The following ATP8A2 variants were observed in gnomAD, a reference collection of about 807,000 sequenced individuals.
The protein encoded by ATP8A2 is phospholipid-transporting ATPase IB.
ATP8A2 carries 100 observed loss-of-function variants against 165.6 expected under a neutral mutation model. That is an observed-to-expected ratio of 0.60 (90% confidence interval 0.51 to 0.71). The LOEUF is 0.71. Ranked by LOEUF, ATP8A2 falls within the 30% of genes least tolerant of loss-of-function variation. The probability of loss-of-function intolerance (pLI) is 0.00; values close to 1 mark genes in which losing one functional copy is unlikely to be tolerated. For missense variants in ATP8A2, 1,227 were observed against 1,479.5 expected (o/e 0.83, Z 2.80); for synonymous variants, 543 against 548.8 (o/e 0.99, Z 0.15).
intron 24 of ATP8A2, among the ~76,000 whole-genome samples, chr13:25,667,178 C>A (rs1443233141): frequency 6.6e-6 from 1 of 152,138 alleles, no homozygotes; most frequent in Admixed American, 6.5e-5. Flanking sequence ...AGTCTGTTTT[C>A]TGTCTCTATG....
chr13:25,674,265 TC>T (rs111355454), intron 24 of ATP8A2, among the ~76,000 whole-genome samples: 9 of 151,308 alleles, frequency 5.9e-5, no homozygotes, highest in African/African-American at 1.7e-4. Flanking sequence ...TCCAGATGTG[TC>T]CCCCCCCGAA....
chr13:25,501,382 G>A (rs903419835), intron 2 of ATP8A2, among the ~76,000 whole-genome samples: 1 of 152,170 alleles, frequency 6.6e-6, no homozygotes, highest in Non-Finnish European at 1.5e-5. Context: ...ATTTCAGTGA[G>A]CTCTGGACAT....
rs774204824 is a variant in ATP8A2, at chr13:25,540,405, T to C, written c.651+17T>C. The C allele has an allele frequency of 3.2e-6, 5 of 1,573,754 alleles. No homozygotes were observed. In the East Asian group the frequency reaches 1.1e-4, roughly 35 times the overall value. On this transcript the variant is annotated intron_variant, in intron 8 of 36. Transcript: ENST00000381655. The stretch of plus-strand genomic sequence containing the variant: ...ATACGTCAGGTAAAGTCACCTCTGA[T>C]GACTTGTGTTGTTATGGTAGACACA...
intron 25 of ATP8A2, among the ~76,000 whole-genome samples, chr13:25,720,548 T>A (rs2043356283): frequency 6.6e-6 from 1 of 152,144 alleles, no homozygotes; most frequent in African/African-American, 2.4e-5. Context: ...GACCTTGGGA[T>A]CTCCGTGTGA....
At chr13:25,538,291 T>G (rs1052339089) in intron 7 of ATP8A2, among the ~76,000 whole-genome samples, 1 of 152,170 alleles carries the variant, frequency 6.6e-6, no homozygotes, top group Non-Finnish European at 1.5e-5. Flanking sequence ...CTCCACTTAG[T>G]CTCCTGGCTA....
chr13:25,903,989 C>T (rs749627344), intron 33 of ATP8A2, among the ~76,000 whole-genome samples: 1 of 152,118 alleles, frequency 6.6e-6, no homozygotes, highest in Non-Finnish European at 1.5e-5. Context: ...AACTGTTGTA[C>T]AAACTCTGCA....
At chr13:25,621,027 G>A (rs1406989626) in intron 24 of ATP8A2, among the ~76,000 whole-genome samples, 1 of 152,110 alleles carries the variant, frequency 6.6e-6, no homozygotes, top group Admixed American at 6.5e-5. Flanking sequence ...GGAGTGGAAG[G>A]ATTATTGATG....
At chr13:25,454,493 G>A (rs527382800) in intron 1 of ATP8A2, among the ~76,000 whole-genome samples, 1 of 152,194 alleles carries the variant, frequency 6.6e-6, no homozygotes, top group East Asian at 1.9e-4. Flanking sequence ...ATGTGGCGAC[G>A]TTGATCTGAT....
chr13:25,763,280 G>T (rs183373), intron 25 of ATP8A2, among the ~76,000 whole-genome samples: 151,300 of 152,290 alleles, frequency 0.99, 75,162 homozygotes, highest in East Asian at 1. Context: ...GACCCAACCC[G>T]TGTGAGGCTG....
chr13:25,506,619 G>C (rs1021637533), intron 2 of ATP8A2, among the ~76,000 whole-genome samples: 2 of 152,190 alleles, frequency 1.3e-5, no homozygotes, highest in Non-Finnish European at 2.9e-5. Flanking sequence ...CCCACTTCCC[G>C]GATCGAGGTG....
chr13:25,373,348 A>G (rs1392239210), intron 1 of ATP8A2, among the ~76,000 whole-genome samples: 3 of 151,542 alleles, frequency 2.0e-5, no homozygotes, highest in African/African-American at 7.2e-5. Context: ...CTTATCAGGT[A>G]ATTTAAGCCA....
At chr13:25,380,005 A>G (rs888409670) in intron 1 of ATP8A2, among the ~76,000 whole-genome samples, 10 of 152,198 alleles carry the variant, frequency 6.6e-5, no homozygotes, top group Admixed American at 4.6e-4. Flanking sequence ...GGCAACTGAG[A>G]AGGGTTCTCG....
intron 1 of ATP8A2, among the ~76,000 whole-genome samples, chr13:25,399,522 C>T (rs1316647918): frequency 8.1e-6 from 1 of 122,838 alleles, no homozygotes; most frequent in African/African-American, 3.0e-5. Context: ...CCTCAGCCTC[C>T]CAAGTAGCTG....
At chr13:25,552,904 A>C (rs779540713) in intron 11 of ATP8A2, among the ~76,000 whole-genome samples, 2 of 152,030 alleles carry the variant, frequency 1.3e-5, no homozygotes, top group Non-Finnish European at 2.9e-5. Context: ...AAAACTCTAA[A>C]TTGGAATCAG....
intron 1 of ATP8A2, among the ~76,000 whole-genome samples, chr13:25,425,203 A>G (rs1370024455): frequency 2.0e-5 from 3 of 152,126 alleles, no homozygotes; most frequent in African/African-American, 7.2e-5. Context: ...CTTTTCTTAT[A>G]CTATCATTAG....
rs1952515002 is a variant in ATP8A2 at position 25,866,609 on chromosome 13, A to T, written c.3183+4201A>T. 2.6e-5 allele frequency among the ~76,000 whole-genome samples: 4 copies of T among 152,150 alleles called. No homozygotes were observed. The South Asian group carries it at 8.3e-4, about 32-fold the overall frequency. On this transcript the variant is annotated intron_variant, in intron 33 of 36. Transcript: ENST00000381655. The stretch of plus-strand genomic sequence containing the variant: ...CAAAAATATGTGCAGGCAATCACGT[A>T]CACACACAGAGACACACAATGCACA...
At chr13:25,463,923 T>C (rs531879119) in intron 1 of ATP8A2, among the ~76,000 whole-genome samples, 2 of 152,216 alleles carry the variant, frequency 1.3e-5, no homozygotes, top group South Asian at 2.1e-4. Flanking sequence ...TCTTCACCTG[T>C]CCTCTTATTG....
chr13:25,517,641 A>T (rs2037523401), intron 2 of ATP8A2, among the ~76,000 whole-genome samples: 1 of 152,206 alleles, frequency 6.6e-6, no homozygotes, highest in African/African-American at 2.4e-5. Context: ...GTGTTTTGTG[A>T]CAGATAGTCT....
intron 2 of ATP8A2, among the ~76,000 whole-genome samples, chr13:25,502,374 G>C (rs545840072): frequency 6.6e-6 from 1 of 152,296 alleles, no homozygotes; most frequent in African/African-American, 2.4e-5. Flanking sequence ...TCATCATCAT[G>C]TCATTGGGAA....
Sources: gnomAD v4.1 joint callset for allele counts (sites outside exome capture counted in the v4.1 genomes callset) on GRCh38, gnomAD v4.1.1 for gene constraint, MANE v1.5 for transcripts, NCBI Gene and HGNC (gene_info 2026-07-23, HGNC 2026-07-21) for gene names.